ANK3: variants seen among roughly 807,000 people sequenced by gnomAD.
The protein encoded by ANK3 is ankyrin 3, also known as ankyrin-3.
A neutral mutation model predicts 370.9 loss-of-function variants in ANK3; 57 were observed. That is an observed-to-expected ratio of 0.15 (90% CI 0.12 to 0.19). The LOEUF (loss-of-function observed/expected upper bound fraction) is 0.19, where lower values mean the gene tolerates loss of function less well. ANK3 is among the 10% of genes least tolerant of loss of function. ANK3 has a pLI of 1.00. For missense variants in ANK3, 4,439 were observed against 5,302.1 expected (o/e 0.84, Z 5.06); for synonymous variants, 1,929 against 1,946.3 (o/e 0.99, Z 0.23).
intron 1 of ANK3, among the ~76,000 whole-genome samples, chr10:60,696,025 A>T (rs1454046461): frequency 6.6e-6 from 1 of 151,314 alleles, no homozygotes; most frequent in Non-Finnish European, 1.5e-5. Context: ...AAAGAAAAAA[A>T]GAGAGAAGAA....
At chr10:60,679,961 C>T (rs546884773) in intron 1 of ANK3, among the ~76,000 whole-genome samples, 3 of 151,776 alleles carry the variant, frequency 2.0e-5, no homozygotes, top group East Asian at 1.9e-4. Flanking sequence ...CATGGTGAAA[C>T]CTCTCTCTAC....
At chr10:60,093,173 T>C (rs1195790831) in intron 28 of ANK3, among the ~76,000 whole-genome samples, 2 of 152,246 alleles carry the variant, frequency 1.3e-5, no homozygotes, top group Admixed American at 6.5e-5. Context: ...AAAGCAAATA[T>C]ATTTCCCTCT....
At chr10:60,203,375 C>A (rs1234051954) in intron 11 of ANK3, among the ~76,000 whole-genome samples, 1 of 152,126 alleles carries the variant, frequency 6.6e-6, no homozygotes, top group Non-Finnish European at 1.5e-5. Context: ...TAATGTAGAT[C>A]TTTGAAAAAA....
At chr10:60,621,622 A>C (rs535491820) in intron 1 of ANK3, among the ~76,000 whole-genome samples, 1 of 152,206 alleles carries the variant, frequency 6.6e-6, no homozygotes, top group Non-Finnish European at 1.5e-5. Flanking sequence ...TTGAACTCAG[A>C]CCAACTAATA....
chr10:60,413,165 A>C, intron 2 of ANK3, among the ~76,000 whole-genome samples: 1 of 152,256 alleles, frequency 6.6e-6, no homozygotes, highest in East Asian at 1.9e-4. Context: ...TTCCTCAGTA[A>C]AGTTTTATGA....
intron 1 of ANK3, among the ~76,000 whole-genome samples, chr10:60,729,462 T>C (rs1409305789): frequency 3.3e-4 from 50 of 152,188 alleles, no homozygotes; most frequent in Non-Finnish European, 2.9e-5. Context: ...CAACACATAG[T>C]TCTTAATTCA....
In ANK3 at chr10:60,240,241, CACACATATATATACATAT is replaced by C. The variant is rs1176655490; in HGVS notation, c.799-5473_799-5456del. On this transcript the variant is annotated intron_variant, in intron 7 of 43. Transcript: ENST00000280772. ...ATATATATATACACACATATATATA[CACACATATATATACATAT>C]ACACATATATATACACACACACATA... Among the ~76,000 whole-genome samples, 1,108 of 141,326 alleles carry C rather than the reference CACACATATATATACATAT, an allele frequency of 7.8e-3. 25 individuals are homozygous for C. The highest frequency in any genetic ancestry group is 0.027 in the African/African-American group (1,045 of 38,124). 92.7% of individuals were successfully genotyped at this position (141,326 alleles called of 152,430 possible).
At chr10:60,140,146 C>T (rs962067438) in intron 23 of ANK3, 4 of 586,036 alleles carry the variant, frequency 6.8e-6, no homozygotes, top group South Asian at 2.4e-5. Flanking sequence ...ACCGCAAGAG[C>T]TCAGCTTTTA....
chr10:60,035,668 G>T (rs1337283900), intron 43 of ANK3, among the ~76,000 whole-genome samples: 1 of 149,738 alleles, frequency 6.7e-6, no homozygotes, highest in Non-Finnish European at 1.5e-5. Context: ...TGAAGCCAAG[G>T]CTTTTGTTAA....
At chr10:60,141,560 T>TG (rs1491153765) in intron 23 of ANK3, among the ~76,000 whole-genome samples, 110 of 86,476 alleles carry the variant, frequency 1.3e-3, no homozygotes, top group Middle Eastern at 5.9e-3. Context: ...TTTCAATTGC[T>TG]GTTTTTTTTT....
chr10:60,572,110 C>T (rs865903754), intron 2 of ANK3, among the ~76,000 whole-genome samples: 2 of 152,054 alleles, frequency 1.3e-5, no homozygotes, highest in East Asian at 1.9e-4. Flanking sequence ...AGTAATTATA[C>T]CCTGTTGATT....
chr10:60,629,182 T>C (rs1270780532), intron 1 of ANK3, among the ~76,000 whole-genome samples: 2 of 152,114 alleles, frequency 1.3e-5, no homozygotes, highest in South Asian at 2.1e-4. Flanking sequence ...AAGGAGACCA[T>C]TAAAACAAAA....
intron 42 of ANK3, chr10:60,053,770 A>G (rs1191123327): frequency 7.7e-7 from 1 of 1,294,128 alleles, no homozygotes. Context: ...TTCTGAGATC[A>G]TACATCAGAT....
chr10:60,225,256 T>G lies in ANK3; in HGVS notation c.897+9432A>C, dbSNP rs552515446. Among the ~76,000 whole-genome samples, 5 of 152,284 alleles carry G rather than the reference T, an allele frequency of 3.3e-5. No homozygotes were observed. In the South Asian group the frequency reaches 1.0e-3, roughly 32 times the overall value. The stretch of plus-strand genomic sequence containing the variant: ...TGGCATTTTCACCAAAAATTTGGAC[T>G]GTGTCCTCATTTTTTTTGTGTTAGG... On this transcript the variant is annotated intron_variant, in intron 8 of 43. Coordinates refer to ENST00000280772, the MANE Select transcript of ANK3 (RefSeq NM_020987.5).
At chr10:60,669,247 G>A (rs1330235435) in intron 1 of ANK3, among the ~76,000 whole-genome samples, 1 of 152,182 alleles carries the variant, frequency 6.6e-6, no homozygotes, top group Non-Finnish European at 1.5e-5. Context: ...GACAAATGTC[G>A]GCACAGAAGT....
At chr10:60,299,538 A>G (rs2132793393) in intron 1 of ANK3, among the ~76,000 whole-genome samples, 1 of 152,340 alleles carries the variant, frequency 6.6e-6, no homozygotes, top group South Asian at 2.1e-4. Context: ...TTAACTGTGT[A>G]ACATCACACA....
intron 2 of ANK3, among the ~76,000 whole-genome samples, chr10:60,563,096 T>C (rs2077377241): frequency 6.6e-6 from 1 of 152,224 alleles, no homozygotes; most frequent in Non-Finnish European, 1.5e-5. Context: ...CTTTTGTTAT[T>C]GATAAATCAC....
chr10:60,170,461 G>A (rs2095753609), intron 21 of ANK3, among the ~76,000 whole-genome samples: 1 of 152,214 alleles, frequency 6.6e-6, no homozygotes, highest in South Asian at 2.1e-4. Flanking sequence ...AAGCAAGGCT[G>A]ACAAGGTGGT....
At chr10:60,667,225 TATTGAA>T (rs2079009554) in intron 1 of ANK3, among the ~76,000 whole-genome samples, 2 of 108,768 alleles carry the variant, frequency 1.8e-5, no homozygotes, top group Non-Finnish European at 1.9e-5. Context: ...ATATTAATTA[TATTGAA>T]TTGAAGAAAA....
Sources: allele counts gnomAD v4.1 joint callset (sites outside exome capture counted in the v4.1 genomes callset), GRCh38; gene constraint gnomAD v4.1.1; transcripts MANE v1.5; gene names NCBI Gene and HGNC (gene_info 2026-07-23, HGNC 2026-07-21).